The following TRAPPC9 variants were observed in gnomAD, a reference collection of about 807,000 sequenced individuals.
The protein encoded by TRAPPC9 is trafficking protein particle complex subunit 9.
TRAPPC9 carries 83 observed loss-of-function variants against 124.0 expected under a neutral mutation model. The observed-to-expected ratio is 0.67, with a 90% confidence interval of 0.56 to 0.80. The LOEUF (loss-of-function observed/expected upper bound fraction) is 0.80, where lower values mean the gene tolerates loss of function less well. TRAPPC9 is among the 30% of genes least tolerant of loss of function. The pLI is 0.00. For missense variants in TRAPPC9, 1,302 were observed against 1,508.3 expected, an observed-to-expected ratio of 0.86 and a Z score of 2.27; for synonymous variants, 638 against 617.5, an observed-to-expected ratio of 1.03 and a Z score of -0.49.
intron 18 of TRAPPC9, among the ~76,000 whole-genome samples, chr8:139,994,342 G>A (rs1399134865): frequency 1.3e-5 from 2 of 152,226 alleles, no homozygotes; most frequent in African/African-American, 4.8e-5. Flanking sequence ...CTGAGGCACA[G>A]AAGAGGAAAT....
At chr8:140,456,422 A>G (rs577997258) in intron 1 of TRAPPC9, among the ~76,000 whole-genome samples, 2 of 152,246 alleles carry the variant, frequency 1.3e-5, no homozygotes, top group Admixed American at 6.5e-5. Flanking sequence ...AAAAAAAAAA[A>G]AAAAAGAAAA....
intron 20 of TRAPPC9, among the ~76,000 whole-genome samples, chr8:139,901,002 A>AACTAAAT (rs1554668200): frequency 1.6e-5 from 2 of 124,452 alleles, no homozygotes; most frequent in Non-Finnish European, 3.5e-5. Context: ...ATAAATAAAT[A>AACTAAAT]AAATAAATAA....
chr8:139,857,698 C>T (rs1343441867), intron 21 of TRAPPC9, among the ~76,000 whole-genome samples: 2 of 152,316 alleles, frequency 1.3e-5, no homozygotes, highest in East Asian at 1.9e-4. Context: ...CTGGGCGGCC[C>T]GCTGCTTGTA....
rs550345071 is a variant in TRAPPC9, at chr8:140,319,514, C to T, written c.1496-8140G>A. Among the ~76,000 whole-genome samples, 13 of 151,064 alleles carry T rather than the reference C, an allele frequency of 8.6e-5. No individual in the cohort carries two copies. The South Asian group carries it at 2.5e-3, about 29-fold the overall frequency. ...TTTTTGAGACAGGGTCTTGCTCTGT[C>T]GCCTAGGCTGGAGTACAGTGGCGCG... On this transcript the variant is annotated intron_variant, in intron 9 of 22. Transcript: ENST00000438773.
In TRAPPC9 at chr8:139,882,946, C is replaced by T. The variant is rs11994810; in HGVS notation, c.3055+2933G>A. ...CATTTCCAAAAGAAATCCCTGAGCCCCCCTATGAAAAAAGGGTGCTACGGA... is the reference window on the plus strand; with the variant it reads ...CATTTCCAAAAGAAATCCCTGAGCCTCCCTATGAAAAAAGGGTGCTACGGA... On this transcript the variant is annotated intron_variant, in intron 21 of 22. Transcript: ENST00000438773. Among the ~76,000 whole-genome samples, 826 of 152,218 alleles carry T rather than the reference C, an allele frequency of 5.4e-3. 6 individuals are homozygous for T. Among genetic ancestry groups the T allele is most frequent in the African/African-American group, 0.018 (764 of 41,544 alleles).
rs146675533 is a variant in TRAPPC9, at chr8:139,975,564, T to C, written c.2810+13162A>G. On this transcript the variant is annotated intron_variant, in intron 19 of 22. Coordinates refer to ENST00000438773, the MANE Select transcript of TRAPPC9 (RefSeq NM_001160372.4). ...CAAAGATCAAGGCAAAGGCATCCTCTTCAAAAACCTACAAATTCCTCATTA... is the reference window on the plus strand; with the variant it reads ...CAAAGATCAAGGCAAAGGCATCCTCCTCAAAAACCTACAAATTCCTCATTA... Among the ~76,000 whole-genome samples, 269 of 152,300 alleles carry C rather than the reference T, an allele frequency of 1.8e-3. 1 individual carries two copies. Among genetic ancestry groups the C allele is most frequent in the African/African-American group, 6.2e-3 (256 of 41,566 alleles).
rs2070275755 is a variant in TRAPPC9, at chr8:140,423,012, T to C, written c.886+3603A>G. Among the ~76,000 whole-genome samples the C allele has an allele frequency of 5.3e-5, 8 of 152,260 alleles. No individual in the cohort carries two copies. The South Asian group carries it at 1.7e-3, about 32-fold the overall frequency. ...ACAAGGATGCAGAGAAATTAGAACTTGCATTCATTGCTAGTAGTAATGTAA... is the reference window on the plus strand; with the variant it reads ...ACAAGGATGCAGAGAAATTAGAACTCGCATTCATTGCTAGTAGTAATGTAA... On this transcript the variant is annotated intron_variant, in intron 5 of 22. Transcript: ENST00000438773.
chr8:139,969,476 G>T (rs1835922256), intron 19 of TRAPPC9, among the ~76,000 whole-genome samples: 1 of 152,236 alleles, frequency 6.6e-6, no homozygotes, highest in Non-Finnish European at 1.5e-5. Flanking sequence ...CATGGCCTAG[G>T]TTCGGATCCT....
intron 19 of TRAPPC9, among the ~76,000 whole-genome samples, chr8:139,930,535 C>A (rs1203836220): frequency 6.6e-6 from 1 of 152,196 alleles, no homozygotes; most frequent in Admixed American, 6.5e-5. Flanking sequence ...TAGTCACACC[C>A]CTCTTTTTTC....
At chr8:140,201,974 A>T (rs1260469302) in intron 17 of TRAPPC9, among the ~76,000 whole-genome samples, 2 of 152,182 alleles carry the variant, frequency 1.3e-5, no homozygotes. Flanking sequence ...TAAGGAAAAA[A>T]TGTGGAAGGT....
chr8:140,079,083 A>T (rs1017348720), intron 17 of TRAPPC9, among the ~76,000 whole-genome samples: 20 of 152,094 alleles, frequency 1.3e-4, no homozygotes, highest in African/African-American at 4.3e-4. Flanking sequence ...GTCTCACGAG[A>T]TCTGATGGTT....
intron 9 of TRAPPC9, among the ~76,000 whole-genome samples, chr8:140,326,131 A>G (rs1253550139): frequency 3.3e-5 from 5 of 152,002 alleles, no homozygotes; most frequent in Non-Finnish European, 7.4e-5. Flanking sequence ...TCATGCCTGT[A>G]ATCCCAGCAC....
At chr8:140,325,435 T>G (rs1302844679) in intron 9 of TRAPPC9, among the ~76,000 whole-genome samples, 1 of 152,100 alleles carries the variant, frequency 6.6e-6, no homozygotes, top group Non-Finnish European at 1.5e-5. Flanking sequence ...ATCATCTATA[T>G]CAGGAATAAA....
intron 21 of TRAPPC9, among the ~76,000 whole-genome samples, chr8:139,761,597 C>A (rs1320993127): frequency 3.9e-5 from 6 of 152,064 alleles, no homozygotes; most frequent in Non-Finnish European, 7.4e-5. Flanking sequence ...GGACCCAACC[C>A]CTCAGCACAG....
At chr8:139,967,612 G>T (rs1217671872) in intron 19 of TRAPPC9, among the ~76,000 whole-genome samples, 1 of 152,216 alleles carries the variant, frequency 6.6e-6, no homozygotes. Flanking sequence ...TGCTCCAGGA[G>T]CCCTGATCAC....
At chr8:139,843,846 A>G (rs1018728805) in intron 21 of TRAPPC9, among the ~76,000 whole-genome samples, 2 of 152,226 alleles carry the variant, frequency 1.3e-5, no homozygotes, top group African/African-American at 4.8e-5. Flanking sequence ...ACTGCATGAG[A>G]ATAAATCTGT....
At chr8:140,375,032 C>G (rs990051462) in intron 7 of TRAPPC9, among the ~76,000 whole-genome samples, 2 of 152,136 alleles carry the variant, frequency 1.3e-5, no homozygotes, top group African/African-American at 4.8e-5. Flanking sequence ...TGCTTTTGGG[C>G]ACTAGGCAGA....
chr8:139,899,158 GAAAC>G (rs909203799), intron 20 of TRAPPC9, among the ~76,000 whole-genome samples: 9 of 120,128 alleles, frequency 7.5e-5, no homozygotes, highest in Admixed American at 5.6e-4. Context: ...TAAAAAAACA[GAAAC>G]AAACAAAAAA....
At chr8:140,345,999 G>A (rs2067338558) in intron 9 of TRAPPC9, among the ~76,000 whole-genome samples, 1 of 152,220 alleles carries the variant, frequency 6.6e-6, no homozygotes, top group African/African-American at 2.4e-5. Flanking sequence ...CCCTGGGGTT[G>A]GGGCAGATGC....
Sources: gnomAD v4.1 joint callset for allele counts (sites outside exome capture counted in the v4.1 genomes callset) on GRCh38, gnomAD v4.1.1 for gene constraint, MANE v1.5 for transcripts, NCBI Gene and HGNC (gene_info 2026-07-23, HGNC 2026-07-21) for gene names.